The following RHBG variants were observed in gnomAD, a reference collection of about 807,000 sequenced individuals.
RHBG encodes ammonium transporter Rh type B.
Under a neutral mutation model 40.1 loss-of-function variants are expected in RHBG, and 39 were observed. The ratio of observed to expected loss-of-function variants is 0.97; its 90% confidence interval spans 0.75 to 1.27. RHBG has a LOEUF of 1.27. Ranked by LOEUF, RHBG falls within the 50% of genes most tolerant of loss-of-function variation. The pLI is 0.00. For missense variants in RHBG, 549 were observed against 588.1 expected, an observed-to-expected ratio of 0.93 and a Z score of 0.69; for synonymous variants, 237 against 252.5, an observed-to-expected ratio of 0.94 and a Z score of 0.58.
In RHBG at chr1:156,369,273, C is replaced by T. The variant is rs1443679274; in HGVS notation, c.24C>T (p.Ala8=). The stretch of plus-strand genomic sequence containing the variant: ...CCATGGCCGGGTCTCCTAGCCGCGC[C>T]GCGGGCCGGCGACTGCAGCTTCCCC... MAGSPSR[A]AGRRLQLPLL... Residue 8 remains alanine (A), a synonymous_variant, in exon 1 of 10, where the codon GCC becomes GCT. Transcript: ENST00000537040. 1.2e-6 allele frequency: 2 copies of T among 1,613,486 alleles called. No homozygotes were observed. The highest frequency in any genetic ancestry group is 1.3e-5 in the African/African-American group (1 of 74,934).
At chr1:156,371,215 A>G in intron 1 of RHBG, 2 of 398,252 alleles carry the variant, frequency 5.0e-6, no homozygotes, top group Non-Finnish European at 9.7e-6. Context: ...GCTGGAGTGC[A>G]ACGGCGCAAT....
rs536703340 is a variant in RHBG at position 156,370,277 on chromosome 1, G to A, written c.187+841G>A. Among the ~76,000 whole-genome samples, 11 of 152,090 alleles carry A rather than the reference G, an allele frequency of 7.2e-5. No individual in the cohort carries two copies. The East Asian group carries it at 1.2e-3, about 16-fold the overall frequency. On this transcript the variant is annotated intron_variant, in intron 1 of 9. Transcript: ENST00000537040. Reference sequence around the variant, plus strand: ...GCCTAGCCAACATAGTGAAACTCCCGTCTCTACTAAAAATACAAAAAATTA... The same window carrying A: ...GCCTAGCCAACATAGTGAAACTCCCATCTCTACTAAAAATACAAAAAATTA...
intron 1 of RHBG, among the ~76,000 whole-genome samples, chr1:156,370,203 C>T (rs1666745428): frequency 6.6e-6 from 1 of 152,062 alleles, no homozygotes; most frequent in Non-Finnish European, 1.5e-5. Flanking sequence ...AATCCCAGCA[C>T]TTTGGGAGGC....
At position 156,382,783 on chromosome 1, in the gene RHBG, A is replaced by G. The variant is rs1352296583; in HGVS notation, c.1148A>G (p.Gln383Arg). 1 of 1,614,036 alleles carries G rather than the reference A, an allele frequency of 6.2e-7. No individual in the cohort carries two copies. The highest frequency in any genetic ancestry group is 2.2e-5 in the East Asian group (1 of 44,886). Residue 383 changes from glutamine to arginine, a missense_variant, in exon 8 of 10, where the codon CAG (glutamine) becomes CGG (arginine). Gln to Arg is a conservative substitution (Grantham distance 43). This residue lies in a region of RHBG where 399 missense variants were observed against 417.0 expected (regional missense o/e 0.96). Transcript: ENST00000537040. ...ESVFPLIAEG[Q>R]RSATSQAMHQ... ...GTGTTTCCACTCATAGCCGAGGGCCAGCGCAGTGCCACGTCACAGGCCATG... is the reference window on the plus strand; with the variant it reads ...GTGTTTCCACTCATAGCCGAGGGCCGGCGCAGTGCCACGTCACAGGCCATG...
At chr1:156,371,305 A>G (rs1354517715) in intron 1 of RHBG, 2 of 318,546 alleles carry the variant, frequency 6.3e-6, no homozygotes, top group African/African-American at 2.3e-5. Flanking sequence ...GATTACAGGC[A>G]CCCACCAAAA....
At position 156,382,137 on chromosome 1, in the gene RHBG, GTCCTGGGGGCCC is replaced by G. The variant is rs1557805682; in HGVS notation, c.1058_1069del (p.Ala353_Gly356del). ...CCACAACCTCCATGGGATGCCGGGG[GTCCTGGGGGCCC>G]TCCTGGGGGTCCTTGTGGCTGGACT... On this transcript the variant is annotated inframe_deletion, in exon 7 of 10. Coordinates refer to ENST00000537040, the MANE Select transcript of RHBG (RefSeq NM_020407.5). The G allele has an allele frequency of 6.2e-7, 1 of 1,614,104 alleles. No individual in the cohort carries two copies. Among genetic ancestry groups the G allele is most frequent in the Non-Finnish European group, 8.5e-7 (1 of 1,179,982 alleles).
chr1:156,379,684 C>T (rs575403569), intron 4 of RHBG, among the ~76,000 whole-genome samples: 2 of 152,292 alleles, frequency 1.3e-5, no homozygotes, highest in East Asian at 3.9e-4. Flanking sequence ...CACAAACGCT[C>T]CACCTACAGG....
At chr1:156,383,622 C>T (rs1667829146) in intron 8 of RHBG, among the ~76,000 whole-genome samples, 1 of 151,432 alleles carries the variant, frequency 6.6e-6, no homozygotes, top group African/African-American at 2.4e-5. Flanking sequence ...GATTTGATTG[C>T]ATGTTAACGT....
At chr1:156,374,000 T>C (rs558683690) in intron 1 of RHBG, among the ~76,000 whole-genome samples, 1 of 152,240 alleles carries the variant, frequency 6.6e-6, no homozygotes, top group South Asian at 2.1e-4. Flanking sequence ...ATATAATATA[T>C]TATTGTTAAC....
Position 156,385,009 on chromosome 1 carries a change from CA to C in RHBG, c.*165del, listed in dbSNP as rs1667949897. On this transcript the variant is annotated 3_prime_UTR_variant, in exon 10 of 10. Transcript: ENST00000537040. ...AGCGTCTCCACAGGGAGAGGGGCAA[CA>C]GGAGGCTGGGAAATGGTGGGGAGTG... is the stretch of plus-strand genomic sequence containing the variant. 3.5e-6 allele frequency: 2 copies of C among 575,318 alleles called. No individual in the cohort carries two copies. The highest frequency in any genetic ancestry group is 4.4e-5 in the South Asian group (2 of 45,234). 35.6% of individuals were successfully genotyped at this position (575,318 alleles called of 1,614,324 possible). A position where few individuals can be genotyped will look rare whatever the true frequency, so the allele number is the denominator to read the frequency against.
Position 156,377,267 on chromosome 1 carries a change from C to G in RHBG, c.188-34C>G. On this transcript the variant is annotated intron_variant, in intron 1 of 9. Coordinates refer to ENST00000537040, the MANE Select transcript of RHBG (RefSeq NM_020407.5). The surrounding 1 kb of genome is among the most constrained non-coding windows in gnomAD (Gnocchi z 4.6). Reference sequence around the variant, plus strand: ...GATTGTGGGCTATGGCTAGAGCAGCCCCCAAGTGCCCCGCCTGTCCCTGCC... The same window carrying G: ...GATTGTGGGCTATGGCTAGAGCAGCGCCCAAGTGCCCCGCCTGTCCCTGCC... The G allele has an allele frequency of 6.2e-7, 1 of 1,603,358 alleles. No individual in the cohort carries two copies. The highest frequency in any genetic ancestry group is 8.5e-7 in the Non-Finnish European group (1 of 1,172,610).
rs151015551 is a variant in RHBG, at chr1:156,382,857, G to A, written c.1222G>A (p.Gly408Arg). 3.8e-5 allele frequency: 61 copies of A among 1,614,048 alleles called. 1 individual carries two copies. The highest frequency in any genetic ancestry group is 2.5e-4 in the South Asian group (23 of 91,086). The change falls in exon 8 of 10, where the codon GGG (glycine) becomes AGG (arginine). Residue 408 changes from glycine to arginine, a missense_variant. Gly to Arg is a moderately radical substitution (Grantham distance 125). Around this residue, in one of 3 missense-constraint regions of RHBG, gnomAD observed 399 missense variants for 417.0 expected, o/e 0.96. Transcript: ENST00000537040. ...FVTLMFASVG[G>R]GLGGLLLKLP... ...CACACTGATGTTTGCCTCTGTGGGC[G>A]GGGGCCTTGGAGGTGAGTAACCTTG... is the stretch of plus-strand genomic sequence containing the variant.
At position 156,370,468 on chromosome 1, in the gene RHBG, C is replaced by T. The variant is rs1262646280; in HGVS notation, c.187+1032C>T. On this transcript the variant is annotated intron_variant, in intron 1 of 9. Coordinates refer to ENST00000537040, the MANE Select transcript of RHBG (RefSeq NM_020407.5). ...CATCTCGAGAAAAAAAAAAATTAGC[C>T]GAGCGTGGTGGCAGGCGCCTGTAAT... 4.8e-5 allele frequency among the ~76,000 whole-genome samples: 7 copies of T among 146,862 alleles called. No individual in the cohort carries two copies. The East Asian group carries it at 9.9e-4, about 21-fold the overall frequency.
At chr1:156,380,004 C>T (rs1184176115) in intron 4 of RHBG, among the ~76,000 whole-genome samples, 1 of 152,208 alleles carries the variant, frequency 6.6e-6, no homozygotes, top group African/African-American at 2.4e-5. Flanking sequence ...GGTCCACCCT[C>T]TCTAGGAGAG....
rs1027506331 is a variant in RHBG, at chr1:156,385,099, C to T, written c.*254C>T. On this transcript the variant is annotated 3_prime_UTR_variant, in exon 10 of 10. Coordinates refer to ENST00000537040, the MANE Select transcript of RHBG (RefSeq NM_020407.5). The stretch of plus-strand genomic sequence containing the variant: ...TGCCCAACCCGACTGCCCTACCAGC[C>T]TGCACATGGGTAGAAGAGGCCAAAT... The T allele has an allele frequency of 3.4e-5, 15 of 447,520 alleles. No individual in the cohort carries two copies. Among genetic ancestry groups the T allele is most frequent in the Non-Finnish European group, 5.7e-5 (14 of 244,440 alleles). The allele number at this position is 447,520 out of a possible 1,614,324, so 27.7% of individuals were successfully genotyped here.
intron 1 of RHBG, 68 bp downstream of exon 1, chr1:156,369,504 G>A: frequency 6.8e-7 from 1 of 1,474,782 alleles, no homozygotes; most frequent in Non-Finnish European, 9.1e-7. Flanking sequence ...CCGGTGTCTT[G>A]GGAGGGAGCA....
intron 1 of RHBG, among the ~76,000 whole-genome samples, chr1:156,370,140 C>T (rs751313522): frequency 6.6e-6 from 1 of 151,984 alleles, no homozygotes; most frequent in Non-Finnish European, 1.5e-5. Flanking sequence ...TGGTGAAACC[C>T]CATCTTTATT....
At chr1:156,383,870 GT>G (rs1397416757) in intron 8 of RHBG, among the ~76,000 whole-genome samples, 2 of 113,636 alleles carry the variant, frequency 1.8e-5, no homozygotes, top group Non-Finnish European at 3.4e-5. Flanking sequence ...TTTCGCTCTT[GT>G]AGCCCAGGCT....
At chr1:156,376,999 G>A (rs1667247578) in intron 1 of RHBG, among the ~76,000 whole-genome samples, 2 of 152,214 alleles carry the variant, frequency 1.3e-5, no homozygotes, top group Admixed American at 1.3e-4. Context: ...GCACAGGTTG[G>A]ACTTCCAGCC....
Sources: allele counts gnomAD v4.1 joint callset (sites outside exome capture counted in the v4.1 genomes callset), GRCh38; gene constraint gnomAD v4.1.1; regional missense constraint gnomAD v4.1.1; non-coding constraint Gnocchi (gnomAD v3.1); transcripts MANE v1.5; gene names NCBI Gene and HGNC (gene_info 2026-07-23, HGNC 2026-07-21).